TENT4B: variants seen among roughly 807,000 people sequenced by gnomAD.
TENT4B encodes the protein terminal nucleotidyltransferase 4B.
Under a neutral mutation model 75.0 loss-of-function variants are expected in TENT4B, and 10 were observed. The ratio of observed to expected loss-of-function variants is 0.13; its 90% CI spans 0.08 to 0.23. The LOEUF (loss-of-function observed/expected upper bound fraction) is 0.23, where lower values mean the gene tolerates loss of function less well. TENT4B is among the 10% of genes least tolerant of loss of function. TENT4B has a pLI of 1.00. For missense variants in TENT4B, 579 were observed against 893.8 expected, an observed-to-expected ratio of 0.65 and a Z score of 4.49; for synonymous variants, 350 against 357.7, an observed-to-expected ratio of 0.98 and a Z score of 0.24.
intron 1 of TENT4B, among the ~76,000 whole-genome samples, chr16:50,165,932 A>T (rs527670494): frequency 2.1e-4 from 32 of 152,248 alleles, no homozygotes; most frequent in African/African-American, 7.2e-4. Flanking sequence ...TCTTGGGTAT[A>T]TACTTAAGTG....
intron 1 of TENT4B, among the ~76,000 whole-genome samples, chr16:50,165,041 G>A (rs1160735592): frequency 2.1e-5 from 3 of 144,432 alleles, no homozygotes; most frequent in Non-Finnish European, 3.0e-5. Flanking sequence ...GTGACAGAGC[G>A]AGACCTCGTC....
chr16:50,153,615 C>T lies in TENT4B; in HGVS notation c.-7C>T. Reference sequence around the variant, plus strand: ...GGAGGGGCGGGGGCAGCGGCCGCCGCCGTTTGATGGATCCGAGGATCGCCT... The same window carrying T: ...GGAGGGGCGGGGGCAGCGGCCGCCGTCGTTTGATGGATCCGAGGATCGCCT... On this transcript the variant is annotated 5_prime_UTR_variant, in exon 1 of 12. Transcript: ENST00000561678. 1 of 1,003,560 alleles carries T rather than the reference C, an allele frequency of 1.0e-6. No homozygotes were observed. The highest frequency in any genetic ancestry group is 4.3e-4 in the Middle Eastern group (1 of 2,340). The allele number at this position is 1,003,560 out of a possible 1,614,324, so 62.2% of individuals were successfully genotyped here.
intron 1 of TENT4B, among the ~76,000 whole-genome samples, chr16:50,168,045 T>G (rs2038136008): frequency 6.6e-6 from 1 of 152,084 alleles, no homozygotes; most frequent in Non-Finnish European, 1.5e-5. Context: ...CCAGAACCAT[T>G]TGTTGAAATG....
At chr16:50,160,420 C>T (rs955372364) in intron 1 of TENT4B, among the ~76,000 whole-genome samples, 1 of 152,094 alleles carries the variant, frequency 6.6e-6, no homozygotes. Context: ...ACACAAAAGG[C>T]TTACTACATT....
intron 1 of TENT4B, among the ~76,000 whole-genome samples, chr16:50,201,830 TAA>T (rs57061694): frequency 0.6 from 82,382 of 136,498 alleles, 25,579 homozygotes; most frequent in South Asian, 0.69. Context: ...ATACTCTATT[TAA>T]AAAAAAAAAA....
chr16:50,231,582 A>T lies in TENT4B; in HGVS notation c.*2254A>T. 3 of 985,840 alleles carry T rather than the reference A, an allele frequency of 3.0e-6. No individual in the cohort carries two copies. The highest frequency in any genetic ancestry group is 3.6e-6 in the Non-Finnish European group (3 of 829,922). 61.1% of individuals were successfully genotyped at this position (985,840 alleles called of 1,614,324 possible). A position where few individuals can be genotyped will look rare whatever the true frequency, so the allele number is the denominator to read the frequency against. ...ATTAAGGTGGTGGTAGCGGGAAGAT[A>T]ATTCTGATTCCATTGGGAATCTTAG... On this transcript the variant is annotated 3_prime_UTR_variant, in exon 12 of 12. Transcript: ENST00000561678.
chr16:50,230,121 A>T lies in TENT4B; in HGVS notation c.*793A>T. 4 of 263,732 alleles carry T rather than the reference A, an allele frequency of 1.5e-5. No individual in the cohort carries two copies. The highest frequency in any genetic ancestry group is 2.3e-5 in the Non-Finnish European group (4 of 174,800). 16.3% of individuals were successfully genotyped at this position (263,732 alleles called of 1,614,324 possible). A position where few individuals can be genotyped will look rare whatever the true frequency, so the allele number is the denominator to read the frequency against. On this transcript the variant is annotated 3_prime_UTR_variant, in exon 12 of 12. Transcript: ENST00000561678. ...GCAAATGATGTTTATTTTATTTTGTAAAAAAAAAAAAATGTACTATGTACT... is the reference window on the plus strand; with the variant it reads ...GCAAATGATGTTTATTTTATTTTGTTAAAAAAAAAAAATGTACTATGTACT...
At chr16:50,183,123 A>G (rs2038454867) in intron 1 of TENT4B, among the ~76,000 whole-genome samples, 1 of 151,144 alleles carries the variant, frequency 6.6e-6, no homozygotes, top group Non-Finnish European at 1.5e-5. Flanking sequence ...GACTCACCGC[A>G]ACCTCTGCCT....
intron 1 of TENT4B, among the ~76,000 whole-genome samples, chr16:50,173,728 C>T (rs1270724926): frequency 2.6e-5 from 4 of 152,192 alleles, no homozygotes; most frequent in Non-Finnish European, 5.9e-5. Context: ...GAATCTCGCT[C>T]TATTGCCCAG....
chr16:50,212,437 T>G (rs1239860380), intron 2 of TENT4B, among the ~76,000 whole-genome samples: 1 of 152,206 alleles, frequency 6.6e-6, no homozygotes, highest in Non-Finnish European at 1.5e-5. Flanking sequence ...TGCAAAGAAG[T>G]ACACAAAATA....
At chr16:50,217,775 T>TCTCTCTCTCCCTCTCTCTCTCTCTC in intron 5 of TENT4B, 112 bp downstream of exon 5, 1 of 632,960 alleles carries the variant, frequency 1.6e-6, no homozygotes, top group Non-Finnish European at 2.7e-6. Context: ...TCTCTCTCTC[T>TCTCTCTCTCCCTCTCTCTCTCTCTC]TTTAAATAGA....
intron 1 of TENT4B, among the ~76,000 whole-genome samples, chr16:50,205,426 T>G (rs2030896927): frequency 6.6e-6 from 1 of 152,140 alleles, no homozygotes. Context: ...CTAACTCTCC[T>G]GCCTGTGCCC....
At chr16:50,222,577 G>A in intron 6 of TENT4B, 143 bp downstream of exon 6, 3 of 835,860 alleles carry the variant, frequency 3.6e-6, no homozygotes, top group South Asian at 1.9e-5. Context: ...CTTTAAACTG[G>A]GTACATTTTA....
rs762925502 is a variant in TENT4B at position 50,153,769 on chromosome 16, GGCAGCAGCA to G, written c.161_169del (p.Ser54_Ser56del). 22 of 1,120,154 alleles carry G rather than the reference GGCAGCAGCA, an allele frequency of 2.0e-5. No individual in the cohort carries two copies. The highest frequency in any genetic ancestry group is 6.7e-5 in the African/African-American group (4 of 59,508). 69.4% of individuals were successfully genotyped at this position (1,120,154 alleles called of 1,614,324 possible). On this transcript the variant is annotated inframe_deletion, in exon 1 of 12. Coordinates refer to ENST00000561678, the MANE Select transcript of TENT4B (RefSeq NM_001365324.3). ...CAGCGGCGGCGCGAGCGGCGGCGGC[GGCAGCAGCA>G]GCAGCAGCAGCACGGCCACCGGCGG... is the stretch of plus-strand genomic sequence containing the variant.
At chr16:50,226,577 C>T (rs910750690) in intron 10 of TENT4B, among the ~76,000 whole-genome samples, 1 of 151,646 alleles carries the variant, frequency 6.6e-6, no homozygotes, top group African/African-American at 2.4e-5. Flanking sequence ...TACAGGTGCC[C>T]GCCACCACAC....
rs1022950898 is a variant in TENT4B at position 50,232,789 on chromosome 16, C to T, written c.*3461C>T. ...ACTTTTATTGGTCATGACTACATCTCAGTTTTACTTTAATATTGATCTATA... is the reference window on the plus strand; with the variant it reads ...ACTTTTATTGGTCATGACTACATCTTAGTTTTACTTTAATATTGATCTATA... On this transcript the variant is annotated 3_prime_UTR_variant, in exon 12 of 12. Coordinates refer to ENST00000561678, the MANE Select transcript of TENT4B (RefSeq NM_001365324.3). 1 of 985,120 alleles carries T rather than the reference C, an allele frequency of 1.0e-6. No individual in the cohort carries two copies. Among genetic ancestry groups the T allele is most frequent in the African/African-American group, 1.7e-5 (1 of 57,220 alleles). The allele number at this position is 985,120 out of a possible 1,614,324, so 61.0% of individuals were successfully genotyped here.
At chr16:50,198,526 A>G (rs2030427699) in intron 1 of TENT4B, among the ~76,000 whole-genome samples, 1 of 152,148 alleles carries the variant, frequency 6.6e-6, no homozygotes, top group Non-Finnish European at 1.5e-5. Context: ...AGAAAAGTGA[A>G]GAAAATATAA....
intron 1 of TENT4B, among the ~76,000 whole-genome samples, chr16:50,186,398 A>C (rs1396346825): frequency 6.6e-6 from 1 of 152,048 alleles, no homozygotes; most frequent in East Asian, 1.9e-4. Context: ...AGGTTTGTCC[A>C]TGTGGTAGCT....
intron 7 of TENT4B, among the ~76,000 whole-genome samples, chr16:50,224,147 A>G (rs183289878): frequency 6.6e-6 from 1 of 152,314 alleles, no homozygotes; most frequent in African/African-American, 2.4e-5. Context: ...CTGCCTTATA[A>G]ACATTAATAG....
Sources: allele counts gnomAD v4.1 joint callset (sites outside exome capture counted in the v4.1 genomes callset), GRCh38; gene constraint gnomAD v4.1.1; transcripts MANE v1.5; gene names NCBI Gene and HGNC (gene_info 2026-07-23, HGNC 2026-07-21).